The following LFNG variants were observed in gnomAD, a reference collection of about 807,000 sequenced individuals.
LFNG encodes the protein LFNG O-fucosylpeptide 3-beta-N-acetylglucosaminyltransferase, also known as beta-1,3-N-acetylglucosaminyltransferase lunatic fringe.
LFNG carries 15 observed loss-of-function variants against 32.7 expected under a neutral mutation model. The ratio of observed to expected loss-of-function variants is 0.46; its 90% confidence interval spans 0.31 to 0.71. LFNG has a LOEUF of 0.71. LFNG is among the 30% of genes least tolerant of loss of function. LFNG has a pLI of 0.06. For missense variants in LFNG, 520 were observed against 545.7 expected (o/e 0.95, Z 0.47); for synonymous variants, 274 against 246.8 (o/e 1.11, Z -1.03).
At position 2,526,579 on chromosome 7, in the gene LFNG, C is replaced by T. The variant is rs150717105; in HGVS notation, c.987+170C>T. 2.6e-5 allele frequency among the ~76,000 whole-genome samples: 4 copies of T among 152,272 alleles called. No individual in the cohort carries two copies. The highest frequency in any genetic ancestry group is 5.9e-5 in the Non-Finnish European group (4 of 67,998). ...GCCATGAGCTCAAAGCTGTTTATGG[C>T]GGGTTGTTTTCCTGCCGTCTCTTCT... On this transcript the variant is annotated intron_variant, in intron 6 of 7. Coordinates refer to ENST00000222725, the MANE Select transcript of LFNG (RefSeq NM_001040167.2). This position sits in a 1 kb window ranked among gnomAD's most constrained non-coding sequence, Gnocchi z 6.9.
At position 2,526,626 on chromosome 7, in the gene LFNG, G is replaced by GTGCGTATTTTGTCCACGC. The variant is rs1779985461; in HGVS notation, c.988-207_988-190dup. Among the ~76,000 whole-genome samples, 6 of 152,162 alleles carry GTGCGTATTTTGTCCACGC rather than the reference G, an allele frequency of 3.9e-5. No individual in the cohort carries two copies. The highest frequency in any genetic ancestry group is 7.2e-5 in the African/African-American group (3 of 41,416). ...TTCTCTTCACTGTGATGCGCCTACT[G>GTGCGTATTTTGTCCACGC]TGCGTATTTTGTCCACGCTGGCAAT... On this transcript the variant is annotated intron_variant, in intron 6 of 7. Transcript: ENST00000222725. The surrounding 1 kb of genome is among the most constrained non-coding windows in gnomAD (Gnocchi z 6.9).
At position 2,527,230 on chromosome 7, in the gene LFNG, C is replaced by T. The variant is rs1477744602; in HGVS notation, c.*18C>T. The T allele has an allele frequency of 6.2e-7, 1 of 1,611,522 alleles. No homozygotes were observed. Among genetic ancestry groups the T allele is most frequent in the African/African-American group, 1.3e-5 (1 of 74,904 alleles). ...TCTTCTAGTGGCCATGGCTGAGACC[C>T]AATCCCTGGGCGCCCCTGGTATCCA... On this transcript the variant is annotated 3_prime_UTR_variant, in exon 8 of 8. Coordinates refer to ENST00000222725, the MANE Select transcript of LFNG (RefSeq NM_001040167.2). This position sits in a 1 kb window ranked among gnomAD's most constrained non-coding sequence, Gnocchi z 4.4.
At chr7:2,515,896 C>T (rs1158208646), upstream of LFNG, among the ~76,000 whole-genome samples, 1 of 152,264 alleles carries the variant, frequency 6.6e-6, no homozygotes, top group East Asian at 1.9e-4. Flanking sequence ...AGCTGTGCCA[C>T]CCTGCGGTAT....
chr7:2,525,350 C>T (rs1236081582), intron 3 of LFNG, 32 bp downstream of exon 3: 1 of 1,611,970 alleles, frequency 6.2e-7, no homozygotes, highest in Non-Finnish European at 8.5e-7. Context: ...CCCCATCTCC[C>T]TGCCCGAGCC....
chr7:2,519,697 A>T, upstream of LFNG: 1 of 245,500 alleles, frequency 4.1e-6, no homozygotes, highest in Non-Finnish European at 6.7e-6. Context: ...CCCGCCCCCG[A>T]GCCCGGGAGC....
At chr7:2,525,152 T>TC in intron 2 of LFNG, 67 bp from the exon 3 acceptor site, 1 of 1,392,176 alleles carries the variant, frequency 7.2e-7, no homozygotes, top group Non-Finnish European at 1.0e-6. Flanking sequence ...CCCTGTGGCG[T>TC]CCCCCAGGCC....
Position 2,526,999 on chromosome 7 carries a change from GTCTC to G in LFNG, c.1073+82_1073+85del, listed in dbSNP as rs911831463. 7.4e-5 allele frequency: 108 copies of G among 1,459,636 alleles called. No individual in the cohort carries two copies. Among genetic ancestry groups the G allele is most frequent in the Non-Finnish European group, 9.9e-5 (104 of 1,049,282 alleles). 90.4% of individuals were successfully genotyped at this position (1,459,636 alleles called of 1,614,324 possible). A position where few individuals can be genotyped will look rare whatever the true frequency, so the allele number is the denominator to read the frequency against. ...GGGGGCCTCGTGGAGCTGCAGCAGG[GTCTC>G]TCTAAGCGGCATGACTCTACATAGA... On this transcript the variant is annotated intron_variant, in intron 7 of 7. Transcript: ENST00000222725. The surrounding 1 kb of genome is among the most constrained non-coding windows in gnomAD (Gnocchi z 6.9).
At chr7:2,525,371 C>T (rs758104832) in intron 3 of LFNG, 43 bp from the exon 4 acceptor site, 55 of 1,611,982 alleles carry the variant, frequency 3.4e-5, no homozygotes, top group African/African-American at 2.5e-4. Flanking sequence ...TGGCAGCGCC[C>T]GCCCCGGCAT....
At chr7:2,522,567 C>CCCCCGG (rs145812773) in intron 1 of LFNG, among the ~76,000 whole-genome samples, 60,835 of 151,188 alleles carry the variant, frequency 0.4, 14,154 homozygotes, top group South Asian at 0.54. Context: ...CTGTGGGTGT[C>CCCCCGG]CCCCGGCCCC....
At position 2,526,119 on chromosome 7, in the gene LFNG, G is replaced by T. The variant is rs958341876; in HGVS notation, c.822-125G>T. Reference sequence around the variant, plus strand: ...GCCAGGGGAGGCAGAGGGAGCTGCAGCCCAGAGCTCTCCTCAGGGCTCCTC... The same window carrying T: ...GCCAGGGGAGGCAGAGGGAGCTGCATCCCAGAGCTCTCCTCAGGGCTCCTC... On this transcript the variant is annotated intron_variant, in intron 5 of 7. Coordinates refer to ENST00000222725, the MANE Select transcript of LFNG (RefSeq NM_001040167.2). This position sits in a 1 kb window ranked among gnomAD's most constrained non-coding sequence, Gnocchi z 6.9. 1 of 996,560 alleles carries T rather than the reference G, an allele frequency of 1.0e-6. No individual in the cohort carries two copies. Among genetic ancestry groups the T allele is most frequent in the East Asian group, 2.5e-5 (1 of 39,952 alleles). 61.7% of individuals were successfully genotyped at this position (996,560 alleles called of 1,614,324 possible). A position where few individuals can be genotyped will look rare whatever the true frequency, so the allele number is the denominator to read the frequency against.
upstream of LFNG, among the ~76,000 whole-genome samples, chr7:2,513,784 G>A (rs1175349195): frequency 6.6e-6 from 1 of 152,246 alleles, no homozygotes; most frequent in Non-Finnish European, 1.5e-5. Context: ...CAGGACGTCA[G>A]TAAGTGGATC....
rs940466040 is a variant in LFNG at position 2,528,349 on chromosome 7, A to C, written c.*1137A>C. On this transcript the variant is annotated 3_prime_UTR_variant, in exon 8 of 8. Transcript: ENST00000222725. ...GACATAGCTAGGAAAGCGAATGATA[A>C]GGGAAAAGTTCTCAGGGAATTGAAG... 2.0e-6 allele frequency: 2 copies of C among 986,044 alleles called. No individual in the cohort carries two copies. The highest frequency in any genetic ancestry group is 3.5e-5 in the African/African-American group (2 of 57,242). The allele number at this position is 986,044 out of a possible 1,614,324, so 61.1% of individuals were successfully genotyped here.
At position 2,522,419 on chromosome 7, in the gene LFNG, G is replaced by T. The variant is rs116090934; in HGVS notation, c.432+2126G>T. ...GCCTGGAGTCCAGGATGAAGAGCCTGGCCTTTGGCCCAGAGGTTCCCCGCC... is the reference window on the plus strand; with the variant it reads ...GCCTGGAGTCCAGGATGAAGAGCCTTGCCTTTGGCCCAGAGGTTCCCCGCC... On this transcript the variant is annotated intron_variant, in intron 1 of 7. Coordinates refer to ENST00000222725, the MANE Select transcript of LFNG (RefSeq NM_001040167.2). Among the ~76,000 whole-genome samples the T allele has an allele frequency of 3.7e-3, 559 of 152,340 alleles. 2 individuals carry two copies. Among genetic ancestry groups the T allele is most frequent in the African/African-American group, 0.013 (539 of 41,588 alleles).
chr7:2,514,410 A>C (rs1383276657), upstream of LFNG, among the ~76,000 whole-genome samples: 1 of 152,202 alleles, frequency 6.6e-6, no homozygotes, highest in Non-Finnish European at 1.5e-5. Flanking sequence ...TCCCGCTGTC[A>C]AGCAGCTGAC....
Position 2,525,682 on chromosome 7 carries a change from C to T in LFNG, c.736-3C>T. On this transcript the variant is annotated splice_region_variant and splice_polypyrimidine_tract_variant and intron_variant, in intron 4 of 7. Transcript: ENST00000222725. ...TCTCAGGACACCTTCTCCCTTCTCC[C>T]AGCGTCCTGTCCACTTCTGGTTTGC... is the stretch of plus-strand genomic sequence containing the variant. 6.2e-7 allele frequency: 1 copy of T among 1,613,232 alleles called. No individual in the cohort carries two copies. Among genetic ancestry groups the T allele is most frequent in the Non-Finnish European group, 8.5e-7 (1 of 1,179,980 alleles).
upstream of LFNG, among the ~76,000 whole-genome samples, chr7:2,516,221 A>G (rs1583269077): frequency 6.6e-6 from 1 of 152,188 alleles, no homozygotes; most frequent in Non-Finnish European, 1.5e-5. Flanking sequence ...GGGCACTGCT[A>G]CTGGCCCAGA....
At chr7:2,522,033 C>A (rs988593989) in intron 1 of LFNG, among the ~76,000 whole-genome samples, 2 of 152,182 alleles carry the variant, frequency 1.3e-5, no homozygotes, top group Admixed American at 6.5e-5. Flanking sequence ...GGGTGATGGG[C>A]AGGGGTCCTG....
downstream of LFNG, chr7:2,528,467 A>G: frequency 1.0e-6 from 1 of 982,362 alleles, no homozygotes; most frequent in Non-Finnish European, 1.2e-6. Flanking sequence ...GTGGGGCCTA[A>G]GCCCCAGGGC....
chr7:2,524,654 G>T (rs1379984402), intron 1 of LFNG, 41 bp from the exon 2 acceptor site: 3 of 1,558,924 alleles, frequency 1.9e-6, no homozygotes, highest in Non-Finnish European at 1.7e-6. Context: ...CTGGGGTGGG[G>T]ATGAAGGGCT....
Sources: allele counts gnomAD v4.1 joint callset (sites outside exome capture counted in the v4.1 genomes callset), GRCh38; gene constraint gnomAD v4.1.1; non-coding constraint Gnocchi (gnomAD v3.1); transcripts MANE v1.5; gene names NCBI Gene and HGNC (gene_info 2026-07-23, HGNC 2026-07-21).